ESR1: variants seen among roughly 807,000 people sequenced by gnomAD.
ESR1 encodes estrogen receptor 1, also known as estrogen receptor.
ESR1 carries 12 observed loss-of-function variants against 52.7 expected under a neutral mutation model. The ratio of observed to expected loss-of-function variants is 0.23; its 90% CI spans 0.15 to 0.37. The LOEUF (loss-of-function observed/expected upper bound fraction) is 0.37, where lower values mean the gene tolerates loss of function less well. Among genes scored for constraint, ESR1 ranks in the 10% least tolerant of loss-of-function variants. The pLI is 1.00. For missense variants in ESR1, 584 were observed against 779.7 expected, an observed-to-expected ratio of 0.75 and a Z score of 2.99; for synonymous variants, 305 against 316.8, an observed-to-expected ratio of 0.96 and a Z score of 0.39.
intron 1 of ESR1, among the ~76,000 whole-genome samples, chr6:151,839,555 A>C (rs901866541): frequency 6.6e-6 from 1 of 152,194 alleles, no homozygotes; most frequent in Non-Finnish European, 1.5e-5. Context: ...AGTTATAGCA[A>C]CATTATTCAT....
chr6:151,888,643 C>G (rs764775805), intron 3 of ESR1, among the ~76,000 whole-genome samples: 2 of 152,040 alleles, frequency 1.3e-5, no homozygotes, highest in Non-Finnish European at 2.9e-5. Context: ...TCTTCTTTTT[C>G]AATTTGCATG....
chr6:152,040,903 C>G (rs1325207241), intron 5 of ESR1, among the ~76,000 whole-genome samples: 2 of 152,156 alleles, frequency 1.3e-5, no homozygotes, highest in Admixed American at 6.5e-5. Flanking sequence ...AGTACTTGTT[C>G]CCTCAGGACT....
chr6:151,799,733 A>G (rs1267969085), upstream of ESR1, among the ~76,000 whole-genome samples: 1 of 152,248 alleles, frequency 6.6e-6, no homozygotes, highest in Non-Finnish European at 1.5e-5. Context: ...GTAGCACTCA[A>G]CAGGAAATCA....
intron 4 of ESR1, among the ~76,000 whole-genome samples, chr6:151,987,159 G>T (rs1364002379): frequency 6.6e-6 from 1 of 151,906 alleles, no homozygotes; most frequent in Non-Finnish European, 1.5e-5. Context: ...CAGGCTTCTG[G>T]TCTCTGCTGT....
chr6:152,127,941 C>T (rs560065176), exon 7 of ESR1: 15 of 152,288 alleles, frequency 9.8e-5, no homozygotes, highest in Non-Finnish European at 2.1e-4. Flanking sequence ...ACTTCTCATT[C>T]CATCTTAGTT....
At chr6:151,995,056 A>G (rs1447830796) in intron 4 of ESR1, among the ~76,000 whole-genome samples, 1 of 152,110 alleles carries the variant, frequency 6.6e-6, no homozygotes, top group Non-Finnish European at 1.5e-5. Flanking sequence ...TTTAGGGAAG[A>G]TACAAGGAGG....
chr6:151,727,346 T>C (rs984455505), intron 2 of ESR1, among the ~76,000 whole-genome samples: 7 of 151,844 alleles, frequency 4.6e-5, no homozygotes, highest in Admixed American at 1.3e-4. Flanking sequence ...GGATTATAGG[T>C]GTGCACCATC....
intron 6 of ESR1, among the ~76,000 whole-genome samples, chr6:152,119,201 TG>T: frequency 6.6e-6 from 1 of 152,326 alleles, no homozygotes; most frequent in Admixed American, 6.5e-5. Context: ...TATTTGGCCC[TG>T]GGGTGTAGGC....
chr6:152,107,350 CTGTTT>C (rs2051079558), downstream of ESR1, among the ~76,000 whole-genome samples: 1 of 152,072 alleles, frequency 6.6e-6, no homozygotes, highest in South Asian at 2.1e-4. Flanking sequence ...TTCCAGGGGA[CTGTTT>C]TGTTTTTCTT....
chr6:152,128,637 CTT>C (rs1351559336), exon 7 of ESR1: 3 of 152,236 alleles, frequency 2.0e-5, no homozygotes, highest in Non-Finnish European at 4.4e-5. Context: ...AACTCAGTCT[CTT>C]TCTCCTCTCA....
In ESR1 at chr6:152,061,148, T is replaced by G. The variant is rs2047508303; in HGVS notation, c.1369+24T>G. On this transcript the variant is annotated intron_variant, in intron 6 of 7. Coordinates refer to ENST00000206249, the MANE Select transcript of ESR1 (RefSeq NM_000125.4). The surrounding 1 kb of genome is among the most constrained non-coding windows in gnomAD (Gnocchi z 4.3). ...TGGTGAGTTGATAACACAAGATAAC[T>G]CAATGCTGGATGAAATGTTTATTTG... 5 of 1,610,794 alleles carry G rather than the reference T, an allele frequency of 3.1e-6. No individual in the cohort carries two copies. Among genetic ancestry groups the G allele is most frequent in the Non-Finnish European group, 4.2e-6 (5 of 1,177,148 alleles).
chr6:151,902,171 C>A (rs1463743332), intron 3 of ESR1, among the ~76,000 whole-genome samples: 2 of 152,120 alleles, frequency 1.3e-5, no homozygotes, highest in East Asian at 1.9e-4. Flanking sequence ...ATCCAGGCAA[C>A]CTAAAAGTGA....
At chr6:152,014,304 C>A (rs1052628276) in intron 5 of ESR1, among the ~76,000 whole-genome samples, 2 of 152,234 alleles carry the variant, frequency 1.3e-5, no homozygotes, top group South Asian at 2.1e-4. Context: ...TGGACTCCAC[C>A]AGCTAGCTGC....
At chr6:152,096,622 A>T (rs1429652742) in intron 7 of ESR1, 2 of 455,742 alleles carry the variant, frequency 4.4e-6, no homozygotes, top group East Asian at 1.4e-4. Context: ...TTCGGCTTCT[A>T]CTTGGTAAGA....
intron 2 of ESR1, among the ~76,000 whole-genome samples, chr6:151,723,599 T>C (rs1781616420): frequency 6.6e-6 from 1 of 152,232 alleles, no homozygotes; most frequent in Admixed American, 6.5e-5. Context: ...CCGGATACAG[T>C]GGCTCACACC....
At chr6:152,019,817 C>T (rs2128811081) in intron 5 of ESR1, among the ~76,000 whole-genome samples, 1 of 152,246 alleles carries the variant, frequency 6.6e-6, no homozygotes, top group Admixed American at 6.5e-5. Context: ...ATGGATGCCT[C>T]TAAAATCCAG....
At chr6:152,033,431 TCAAA>T (rs1332098745) in intron 5 of ESR1, among the ~76,000 whole-genome samples, 75 of 152,026 alleles carry the variant, frequency 4.9e-4, no homozygotes, top group African/African-American at 1.8e-3. Flanking sequence ...TACAAAGAAC[TCAAA>T]CAAATTTACA....
upstream of ESR1, among the ~76,000 whole-genome samples, chr6:151,686,689 AAACCAACCAACCAACCAACCAACC>A (rs35551206): frequency 7.9e-6 from 1 of 126,618 alleles, no homozygotes; most frequent in Non-Finnish European, 1.6e-5. Flanking sequence ...CTCCATCTCA[AAACCAACCAACCAACCAACCAACC>A]AACCAACCAA....
rs559000161 is a variant in ESR1, at chr6:151,845,015, A to T, written c.643+2228A>T. On this transcript the variant is annotated intron_variant, in intron 2 of 7. Transcript: ENST00000206249. ...CCAGTTATAAATTAAAATTATTAAG[A>T]TTGAAAGTGGAAATGATCTTCCTCC... Among the ~76,000 whole-genome samples, 102 of 152,274 alleles carry T rather than the reference A, an allele frequency of 6.7e-4. 1 individual carries two copies. The highest frequency in any genetic ancestry group is 2.5e-3 in the Admixed American group (38 of 15,300).
Sources: gnomAD v4.1 joint callset for allele counts (sites outside exome capture counted in the v4.1 genomes callset) on GRCh38, gnomAD v4.1.1 for gene constraint, Gnocchi (gnomAD v3.1) non-coding constraint, MANE v1.5 for transcripts, NCBI Gene and HGNC (gene_info 2026-07-23, HGNC 2026-07-21) for gene names.